The following CASP8 variants were observed in gnomAD, a reference collection of about 807,000 sequenced individuals.
CASP8 encodes caspase-8.
In CASP8, 24 loss-of-function variants were observed where a neutral mutation model predicts 46.3. The ratio of observed to expected loss-of-function variants is 0.52; its 90% CI spans 0.38 to 0.73. The LOEUF (loss-of-function observed/expected upper bound fraction) is 0.73, where lower values mean the gene tolerates loss of function less well. CASP8 is among the 30% of genes least tolerant of loss of function. The probability of loss-of-function intolerance (pLI) is 0.00; values close to 1 mark genes in which losing one functional copy is unlikely to be tolerated. For synonymous variants in CASP8, 188 were observed against 200.4 expected (o/e 0.94, Z 0.52); for missense variants, 460 against 559.0 (o/e 0.82, Z 1.79).
Position 201,266,378 on chromosome 2 carries a change from A to G in CASP8, c.-26-83A>G. The G allele has an allele frequency of 1.0e-6, 1 of 981,550 alleles. No homozygotes were observed. The highest frequency in any genetic ancestry group is 1.6e-6 in the Non-Finnish European group (1 of 617,492). 60.8% of individuals were successfully genotyped at this position (981,550 alleles called of 1,614,324 possible). ...GCTGACAGCACAATGACCAGTACCT[A>G]GTAGTTGCAGTAGCCTTTGATGAAC... On this transcript the variant is annotated intron_variant, in intron 1 of 8. Transcript: ENST00000673742. This position sits in a 1 kb window ranked among gnomAD's most constrained non-coding sequence, Gnocchi z 5.7.
At chr2:201,254,081 CA>C (rs11418268) in intron 2 of CASP8, among the ~76,000 whole-genome samples, 22,030 of 134,698 alleles carry the variant, frequency 0.16, 2,796 homozygotes, top group African/African-American at 0.38. Flanking sequence ...AACTCCATCT[CA>C]AAAAAAAAAA....
chr2:201,273,038 A>C, intron 5 of CASP8, 96 bp downstream of exon 5: 2 of 995,286 alleles, frequency 2.0e-6, no homozygotes, highest in Non-Finnish European at 3.2e-6. Context: ...GCACATCTTA[A>C]CGTGCCTGCT....
chr2:201,261,336 AGCCGAGATCGT>A (rs1436502374), intron 1 of CASP8, among the ~76,000 whole-genome samples: 1 of 147,838 alleles, frequency 6.8e-6, no homozygotes, highest in Non-Finnish European at 1.5e-5. Flanking sequence ...AGTTGTGGTG[AGCCGAGATCGT>A]GCCACTGCAC....
At chr2:201,262,257 A>T (rs1343877244) in intron 1 of CASP8, 2 of 152,108 alleles carry the variant, frequency 1.3e-5, no homozygotes, top group African/African-American at 4.8e-5. Context: ...AAAAATGGGG[A>T]CAGTAATAGT....
intron 2 of CASP8, among the ~76,000 whole-genome samples, chr2:201,250,791 G>T (rs1446319034): frequency 6.6e-6 from 1 of 152,188 alleles, no homozygotes; most frequent in Non-Finnish European, 1.5e-5. Context: ...CTGAACTAAA[G>T]TTCCATAGTT....
rs375847308 is a variant in CASP8 at position 201,266,025 on chromosome 2, G to C, written c.-26-436G>C. 1.0e-4 allele frequency among the ~76,000 whole-genome samples: 15 copies of C among 150,574 alleles called. No individual in the cohort carries two copies. The highest frequency in any genetic ancestry group is 3.4e-4 in the African/African-American group (14 of 40,830). On this transcript the variant is annotated intron_variant, in intron 1 of 8. Coordinates refer to ENST00000673742, the MANE Select transcript of CASP8 (RefSeq NM_001372051.1). This position sits in a 1 kb window ranked among gnomAD's most constrained non-coding sequence, Gnocchi z 5.7. ...GACGGAGTCTTGCCCTGTCACCCAGGCTGGAGTGCAGTGGTGCAATCTCCG... is the reference window on the plus strand; with the variant it reads ...GACGGAGTCTTGCCCTGTCACCCAGCCTGGAGTGCAGTGGTGCAATCTCCG...
Position 201,285,036 on chromosome 2 carries a change from T to G in CASP8, c.1023T>G (p.Thr341=). ...TCTATGAGCTGACATCTCAGTTCAC[T>G]GGTTTGAAGTGCCCTTCCCTTGCTG... is the stretch of plus-strand genomic sequence containing the variant. The part of the protein sequence containing the change: ...APIYELTSQF[T]GLKCPSLAGK... Residue 341 remains threonine (T), a synonymous_variant, in exon 8 of 9, where the codon ACT becomes ACG. Transcript: ENST00000673742. 1 of 1,614,218 alleles carries G rather than the reference T, an allele frequency of 6.2e-7. No homozygotes were observed. The highest frequency in any genetic ancestry group is 8.5e-7 in the Non-Finnish European group (1 of 1,180,034).
upstream of CASP8, among the ~76,000 whole-genome samples, chr2:201,259,401 C>T (rs1350588905): frequency 6.6e-6 from 1 of 152,112 alleles, no homozygotes; most frequent in South Asian, 2.1e-4. Flanking sequence ...GTCTCAAACT[C>T]CTATGCTCAA....
chr2:201,236,869 G>A (rs1946070554), intron 2 of CASP8, among the ~76,000 whole-genome samples: 1 of 152,212 alleles, frequency 6.6e-6, no homozygotes, highest in Non-Finnish European at 1.5e-5. Flanking sequence ...GCTGCCCAAA[G>A]TGCCGAGATG....
At chr2:201,270,986 A>C (rs2125227419) in intron 2 of CASP8, among the ~76,000 whole-genome samples, 1 of 152,210 alleles carries the variant, frequency 6.6e-6, no homozygotes, top group South Asian at 2.1e-4. Context: ...GCACCACAGA[A>C]AGGGGTGAGG....
At chr2:201,233,872 AG>A (rs960589388) in intron 1 of CASP8, 1 of 152,306 alleles carries the variant, frequency 6.6e-6, no homozygotes, top group African/African-American at 2.4e-5. Flanking sequence ...GGCTGCTTCT[AG>A]AAGTCTGACC....
chr2:201,272,914 T>G lies in CASP8; in HGVS notation c.567T>G (p.Leu189=), dbSNP rs1948371397. 1.9e-6 allele frequency: 3 copies of G among 1,614,062 alleles called. No homozygotes were observed. Among genetic ancestry groups the G allele is most frequent in the Non-Finnish European group, 2.5e-6 (3 of 1,180,010 alleles). ...EEFSKERSSS[L]EGSPDEFSNG... is the part of the protein sequence containing the mutation. ...TTAATTCAGAGAGAAGCAGCAGCCT[T>G]GAAGGAAGTCCTGATGAATTTTCAA... is the stretch of plus-strand genomic sequence containing the variant. Residue 189 remains leucine, a synonymous_variant, in exon 5 of 9, where the codon CTT becomes CTG. Transcript: ENST00000673742. This position sits in a 1 kb window ranked among gnomAD's most constrained non-coding sequence, Gnocchi z 4.4.
chr2:201,244,565 A>G (rs1010003946), intron 2 of CASP8, among the ~76,000 whole-genome samples: 1 of 149,598 alleles, frequency 6.7e-6, no homozygotes, highest in Non-Finnish European at 1.5e-5. Flanking sequence ...TCTGATGACT[A>G]AAAAAAAAAG....
At chr2:201,248,911 TGA>T (rs1559334091) in intron 2 of CASP8, among the ~76,000 whole-genome samples, 2 of 152,296 alleles carry the variant, frequency 1.3e-5, no homozygotes, top group South Asian at 4.1e-4. Flanking sequence ...CCTTCTTTTT[TGA>T]GAGAGTCTTA....
chr2:201,284,643 G>A (rs1355951136), intron 7 of CASP8, among the ~76,000 whole-genome samples, 173 bp from the exon 8 acceptor site: 1 of 135,076 alleles, frequency 7.4e-6, no homozygotes, highest in Non-Finnish European at 1.7e-5. Flanking sequence ...TCCAGCTTTG[G>A]CTCGGCATGA....
At chr2:201,258,246 A>G, upstream of CASP8, 1 of 1,606,808 alleles carries the variant, frequency 6.2e-7, no homozygotes, top group Non-Finnish European at 8.5e-7. Flanking sequence ...AGGGAGGCAG[A>G]AGAGCCAGGG....
At chr2:201,273,036 T>A in intron 5 of CASP8, 94 bp downstream of exon 5, 1 of 1,006,162 alleles carries the variant, frequency 9.9e-7, no homozygotes, top group Non-Finnish European at 1.6e-6. Flanking sequence ...ATGCACATCT[T>A]AACGTGCCTG....
chr2:201,266,386 C>A lies in CASP8; in HGVS notation c.-26-75C>A, dbSNP rs762539565. 117 of 1,102,098 alleles carry A rather than the reference C, an allele frequency of 1.1e-4. No homozygotes were observed. Among genetic ancestry groups the A allele is most frequent in the Non-Finnish European group, 1.5e-4 (109 of 724,208 alleles). The allele number at this position is 1,102,098 out of a possible 1,614,324, so 68.3% of individuals were successfully genotyped here. ...CACAATGACCAGTACCTAGTAGTTG[C>A]AGTAGCCTTTGATGAACAAGCCAGC... On this transcript the variant is annotated intron_variant, in intron 1 of 8. Transcript: ENST00000673742. The surrounding 1 kb of genome is among the most constrained non-coding windows in gnomAD (Gnocchi z 5.7).
intron 2 of CASP8, among the ~76,000 whole-genome samples, chr2:201,250,531 G>A (rs1946732171): frequency 6.6e-6 from 1 of 152,196 alleles, no homozygotes; most frequent in Non-Finnish European, 1.5e-5. Context: ...AAGCAAGAGA[G>A]CGGGGAGGTG....
Sources: gnomAD v4.1 joint callset for allele counts (sites outside exome capture counted in the v4.1 genomes callset) on GRCh38, gnomAD v4.1.1 for gene constraint, Gnocchi (gnomAD v3.1) non-coding constraint, MANE v1.5 for transcripts, NCBI Gene and HGNC (gene_info 2026-07-23, HGNC 2026-07-21) for gene names.